Variants in ADK observed in about 807,000 individuals in gnomAD.
The protein encoded by ADK is N6,N6-dimethyladenosine kinase.
A neutral mutation model predicts 44.7 loss-of-function variants in ADK; 24 were observed. The ratio of observed to expected loss-of-function variants is 0.54; its 90% CI spans 0.39 to 0.76. The LOEUF is 0.76. Ranked by LOEUF, ADK falls within the 30% of genes least tolerant of loss-of-function variation. The pLI is 0.00. For missense variants in ADK, 321 were observed against 425.1 expected, an observed-to-expected ratio of 0.76 and a Z score of 2.15; for synonymous variants, 128 against 142.6, an observed-to-expected ratio of 0.90 and a Z score of 0.73.
At chr10:74,576,130 G>C (rs1052855955) in intron 7 of ADK, among the ~76,000 whole-genome samples, 1 of 152,098 alleles carries the variant, frequency 6.6e-6, no homozygotes, top group Non-Finnish European at 1.5e-5. Context: ...TGAACTTTTA[G>C]AGAAAGACTG....
At chr10:74,365,705 T>G (rs768698042) in intron 4 of ADK, among the ~76,000 whole-genome samples, 1 of 152,196 alleles carries the variant, frequency 6.6e-6, no homozygotes, top group East Asian at 1.9e-4. Context: ...CTGATTCATT[T>G]TGGGCAAATA....
intron 2 of ADK, among the ~76,000 whole-genome samples, chr10:74,209,396 T>G (rs760295420): frequency 3.2e-4 from 48 of 152,198 alleles, no homozygotes; most frequent in Admixed American, 1.1e-3. Context: ...ATATTTCTAT[T>G]GTTTACAAAT....
intron 6 of ADK, among the ~76,000 whole-genome samples, chr10:74,467,115 A>G (rs1589139274): frequency 6.6e-6 from 1 of 152,312 alleles, no homozygotes; most frequent in East Asian, 1.9e-4. Context: ...CAGTGTAATT[A>G]TAACCATCTT....
intron 4 of ADK, among the ~76,000 whole-genome samples, chr10:74,329,718 T>C (rs538957867): frequency 6.6e-6 from 1 of 152,292 alleles, no homozygotes; most frequent in African/African-American, 2.4e-5. Context: ...ATGAGCATTT[T>C]AGAAATTAGA....
chr10:74,577,150 G>GTGTGTGTGTGTGTGTGTA (rs796256860), intron 7 of ADK, among the ~76,000 whole-genome samples: 3 of 148,980 alleles, frequency 2.0e-5, no homozygotes, highest in African/African-American at 7.6e-5. Flanking sequence ...GTGTGTGTGT[G>GTGTGTGTGTGTGTGTGTA]TGTAGTCTAA....
chr10:74,423,033 A>T (rs545425313), intron 6 of ADK, among the ~76,000 whole-genome samples: 1 of 152,104 alleles, frequency 6.6e-6, no homozygotes, highest in Admixed American at 6.5e-5. Context: ...ATGGATGTAG[A>T]TGCTCTTGCT....
intron 6 of ADK, among the ~76,000 whole-genome samples, chr10:74,459,727 CA>C (rs986375076): frequency 8.6e-4 from 37 of 42,824 alleles, no homozygotes; most frequent in East Asian, 3.1e-3. Flanking sequence ...GACTCCATCT[CA>C]AAAAAAAAAA....
chr10:74,361,670 CA>C (rs1842340647), intron 4 of ADK, among the ~76,000 whole-genome samples: 1 of 152,158 alleles, frequency 6.6e-6, no homozygotes, highest in South Asian at 2.1e-4. Context: ...ACTGCAAATA[CA>C]ATATTAATAT....
chr10:74,232,151 C>T (rs555572637), intron 3 of ADK, among the ~76,000 whole-genome samples: 2 of 152,202 alleles, frequency 1.3e-5, no homozygotes, highest in Admixed American at 1.3e-4. Flanking sequence ...TCTAGGATCT[C>T]ATAACTTCTA....
chr10:74,466,482 A>G (rs1006411158), intron 6 of ADK, among the ~76,000 whole-genome samples: 8 of 152,144 alleles, frequency 5.3e-5, no homozygotes, highest in Admixed American at 2.0e-4. Flanking sequence ...GAATCTGAAA[A>G]GGCCTTGGCA....
intron 6 of ADK, among the ~76,000 whole-genome samples, chr10:74,417,212 CTT>C (rs1170268696): frequency 2.0e-5 from 3 of 152,106 alleles, no homozygotes; most frequent in African/African-American, 7.2e-5. Context: ...ATGTTGTAGA[CTT>C]AGTGCCAGCA....
At chr10:74,438,470 T>C (rs1358586511) in intron 6 of ADK, among the ~76,000 whole-genome samples, 1 of 151,792 alleles carries the variant, frequency 6.6e-6, no homozygotes, top group African/African-American at 2.4e-5. Flanking sequence ...GACCTCGTGA[T>C]CCCTCCGCCT....
intron 1 of ADK, among the ~76,000 whole-genome samples, chr10:74,171,029 T>C (rs1459685092): frequency 1.3e-5 from 2 of 152,138 alleles, no homozygotes; most frequent in African/African-American, 2.4e-5. Flanking sequence ...AAGTTCATAC[T>C]CTACTTCCTT....
chr10:74,471,497 G>A (rs1254874143), intron 6 of ADK, among the ~76,000 whole-genome samples: 1 of 152,092 alleles, frequency 6.6e-6, no homozygotes, highest in Non-Finnish European at 1.5e-5. Context: ...GGCCTTTGCA[G>A]TTTTATATGA....
intron 9 of ADK, among the ~76,000 whole-genome samples, chr10:74,626,835 A>G (rs900349961): frequency 2.0e-5 from 3 of 152,186 alleles, no homozygotes; most frequent in African/African-American, 7.2e-5. Flanking sequence ...CCTAGAGAAC[A>G]AGGGTAGTTT....
At chr10:74,422,299 C>T (rs752161731) in intron 6 of ADK, among the ~76,000 whole-genome samples, 2 of 152,144 alleles carry the variant, frequency 1.3e-5, no homozygotes, top group Non-Finnish European at 2.9e-5. Context: ...GTTGAGCATT[C>T]CTGAAAACTG....
intron 9 of ADK, among the ~76,000 whole-genome samples, chr10:74,651,706 A>G (rs1413173884): frequency 1.3e-5 from 2 of 152,200 alleles, no homozygotes; most frequent in Non-Finnish European, 2.9e-5. Flanking sequence ...TCCCACCATC[A>G]ATGTGAGGTC....
At chr10:74,216,088 A>G (rs566021080) in intron 2 of ADK, among the ~76,000 whole-genome samples, 1 of 152,030 alleles carries the variant, frequency 6.6e-6, no homozygotes, top group East Asian at 1.9e-4. Flanking sequence ...TTGAATTTGC[A>G]TTTCTGTTAT....
intron 4 of ADK, chr10:74,371,936 C>G: frequency 7.7e-7 from 1 of 1,300,654 alleles, no homozygotes; most frequent in Non-Finnish European, 1.1e-6. Flanking sequence ...ACCAGCCTCT[C>G]ACAGAGGCAT....
Sources: allele counts gnomAD v4.1 joint callset (sites outside exome capture counted in the v4.1 genomes callset), GRCh38; gene constraint gnomAD v4.1.1; transcripts MANE v1.5; gene names NCBI Gene and HGNC (gene_info 2026-07-23, HGNC 2026-07-21).